Variants in EIF2AK2 observed in about 807,000 individuals in gnomAD.
EIF2AK2 encodes the protein eukaryotic translation initiation factor 2 alpha kinase 2, also known as interferon-induced, double-stranded RNA-activated protein kinase.
In EIF2AK2, 40 loss-of-function variants were observed where a neutral mutation model predicts 70.5. The observed-to-expected ratio is 0.57, with a 90% CI of 0.44 to 0.74. The LOEUF is 0.74. Ranked by LOEUF, EIF2AK2 falls within the 30% of genes least tolerant of loss-of-function variation. The pLI, the probability that EIF2AK2 is intolerant of heterozygous loss-of-function variation, is 0.00. For synonymous variants in EIF2AK2, 198 were observed against 220.9 expected (o/e 0.90, Z 0.92); for missense variants, 555 against 644.3 (o/e 0.86, Z 1.50).
At position 37,107,468 on chromosome 2, in the gene EIF2AK2, G is replaced by A; in HGVS notation, c.1533+6C>T. ...AATAAAATTCTGATGATTTTCAAGT[G>A]CTTACTTCTTTTTTATCAAATATAT... On this transcript the variant is annotated splice_donor_region_variant and intron_variant, in intron 16 of 16. Transcript: ENST00000233057. The A allele has an allele frequency of 1.2e-6, 2 of 1,612,026 alleles. No homozygotes were observed. The highest frequency in any genetic ancestry group is 1.3e-5 in the African/African-American group (1 of 74,818).
At chr2:37,145,287 T>A (rs918960898) in intron 4 of EIF2AK2, among the ~76,000 whole-genome samples, 1 of 151,484 alleles carries the variant, frequency 6.6e-6, no homozygotes, top group Admixed American at 6.6e-5. Context: ...GAATTATAGG[T>A]GCCCACCACC....
At chr2:37,134,866 C>T in intron 10 of EIF2AK2, among the ~76,000 whole-genome samples, 1 of 152,190 alleles carries the variant, frequency 6.6e-6, no homozygotes, top group East Asian at 1.9e-4. Context: ...TCCTCCTAGC[C>T]AACCTTTGCC....
Position 37,122,653 on chromosome 2 carries a change from C to T in EIF2AK2, c.920G>A (p.Arg307His), listed in dbSNP as rs770329106. The T allele has an allele frequency of 3.7e-6, 6 of 1,614,018 alleles. No individual in the cohort carries two copies. Among genetic ancestry groups the T allele is most frequent in the Admixed American group, 1.7e-5 (1 of 59,990 alleles). ...AAGTTTTGCCAATGCTTTTACTTCA[C>T]GCTCCGCCTTCCTAGTTAAAAGGAA... ...RVKYNNEKAE[R>H]EVKALAKLDH... Residue 307 changes from arginine (R) to histidine (H), a missense_variant, in exon 12 of 17, where the codon CGT becomes CAT. Around this residue, in one of 3 missense-constraint regions of EIF2AK2, gnomAD observed 299 missense variants for 375.4 expected, o/e 0.80. Transcript: ENST00000233057.
At chr2:37,117,470 C>G (rs149688493) in intron 13 of EIF2AK2, among the ~76,000 whole-genome samples, 7,510 of 143,260 alleles carry the variant, frequency 0.052, 210 homozygotes, top group Middle Eastern at 0.076. Context: ...CTAGGAGGTC[C>G]AGGCTGCAGT....
In EIF2AK2 at chr2:37,105,990, A is replaced by G. The variant is rs979281238; in HGVS notation, c.*1283T>C. The G allele has an allele frequency of 9.8e-5, 15 of 152,324 alleles. No homozygotes were observed. Among genetic ancestry groups the G allele is most frequent in the African/African-American group, 3.1e-4 (13 of 41,584 alleles). 9.4% of individuals were successfully genotyped at this position (152,324 alleles called of 1,614,324 possible). On this transcript the variant is annotated 3_prime_UTR_variant, in exon 17 of 17. Transcript: ENST00000233057. The stretch of plus-strand genomic sequence containing the variant: ...AAGTGGTTGTTACAATAGATACAAA[A>G]TGTATTTAAGATAAAAGGTATAACT...
intron 14 of EIF2AK2, among the ~76,000 whole-genome samples, chr2:37,114,169 G>A (rs1674255016): frequency 6.6e-6 from 1 of 152,094 alleles, no homozygotes. Context: ...ACAGTGGTAT[G>A]TGCCTCTAGA....
At chr2:37,118,828 A>G (rs978958305) in intron 13 of EIF2AK2, among the ~76,000 whole-genome samples, 19 of 152,176 alleles carry the variant, frequency 1.2e-4, no homozygotes, top group Non-Finnish European at 2.4e-4. Context: ...AACTGTGTAT[A>G]TGGGAACTTA....
chr2:37,113,425 G>A (rs774254336), intron 14 of EIF2AK2, among the ~76,000 whole-genome samples: 1 of 148,756 alleles, frequency 6.7e-6, no homozygotes, highest in Non-Finnish European at 1.5e-5. Context: ...AACCCGGGAG[G>A]CAGAGGTTGT....
intron 13 of EIF2AK2, among the ~76,000 whole-genome samples, chr2:37,117,598 C>T (rs1674391451): frequency 1.3e-5 from 2 of 152,060 alleles, no homozygotes; most frequent in Non-Finnish European, 1.5e-5. Flanking sequence ...TATGATTAGA[C>T]AAAATATAGG....
intron 10 of EIF2AK2, 118 bp from the exon 11 acceptor site, chr2:37,126,529 C>T (rs1300248505): frequency 9.2e-6 from 13 of 1,408,654 alleles, no homozygotes; most frequent in Non-Finnish European, 1.2e-5. Flanking sequence ...AAATTTGATT[C>T]TCTCCTTCTG....
intron 1 of EIF2AK2, 127 bp from the exon 2 acceptor site, chr2:37,149,150 T>C: frequency 1.0e-6 from 1 of 958,508 alleles, no homozygotes; most frequent in Non-Finnish European, 1.7e-6. Context: ...TGGACCTCGA[T>C]GCCTCGATGA....
intron 4 of EIF2AK2, among the ~76,000 whole-genome samples, chr2:37,144,434 T>C (rs2148708623): frequency 6.6e-6 from 1 of 151,614 alleles, no homozygotes; most frequent in East Asian, 1.9e-4. Context: ...AAGAAGGAAT[T>C]GCTACAATAG....
chr2:37,148,727 T>G (rs1484230652), intron 2 of EIF2AK2, 130 bp downstream of exon 2: 10 of 832,988 alleles, frequency 1.2e-5, no homozygotes, highest in Admixed American at 1.7e-5. Context: ...TATTGACAGA[T>G]TTGAGGATTT....
chr2:37,119,341 C>A (rs112311626), intron 13 of EIF2AK2, among the ~76,000 whole-genome samples: 1 of 151,998 alleles, frequency 6.6e-6, no homozygotes, highest in African/African-American at 2.4e-5. Flanking sequence ...ACAGCCCTCG[C>A]GAGTAATGAC....
At chr2:37,141,033 C>CT (rs1675312193) in intron 5 of EIF2AK2, among the ~76,000 whole-genome samples, 1 of 152,218 alleles carries the variant, frequency 6.6e-6, no homozygotes, top group Non-Finnish European at 1.5e-5. Flanking sequence ...TCTAGTTCAT[C>CT]TGTCTCATCA....
At position 37,139,678 on chromosome 2, in the gene EIF2AK2, C is replaced by A; in HGVS notation, c.469G>T (p.Ala157Ser). 1 of 1,614,032 alleles carries A rather than the reference C, an allele frequency of 6.2e-7. No homozygotes were observed. The highest frequency in any genetic ancestry group is 1.1e-5 in the South Asian group (1 of 91,076). The change falls in exon 6 of 17, where the codon GCC becomes TCC. Residue 157 changes from alanine (A) to serine (S), a missense_variant. By Grantham distance (99) the Ala-to-Ser change is moderately conservative (BLOSUM62 1). Transcript: ENST00000233057. ...GSTKQEAKQLAAKLAYLQILS... is the reference protein window; with the variant it reads ...GSTKQEAKQLSAKLAYLQILS... ...ATCTGAAGATATGCAAGTTTAGCGGCCAATTGTTTTGCTTCCTGTTTAGTA... is the reference window on the plus strand; with the variant it reads ...ATCTGAAGATATGCAAGTTTAGCGGACAATTGTTTTGCTTCCTGTTTAGTA...
chr2:37,146,174 A>G (rs1476418479), intron 4 of EIF2AK2, among the ~76,000 whole-genome samples: 1 of 152,188 alleles, frequency 6.6e-6, no homozygotes, highest in South Asian at 2.1e-4. Flanking sequence ...TATGCTGTAT[A>G]GGTTCGTAGT....
Position 37,146,845 on chromosome 2 carries a change from T to C in EIF2AK2, c.240+8A>G. 1 of 1,604,872 alleles carries C rather than the reference T, an allele frequency of 6.2e-7. No individual in the cohort carries two copies. The highest frequency in any genetic ancestry group is 8.5e-7 in the Non-Finnish European group (1 of 1,177,666). ...TCCCATTTATTAGGAAAAAAGGCAA[T>C]CACTCACCTTCTTTTCCTTATTAAG... On this transcript the variant is annotated splice_region_variant and intron_variant, in intron 4 of 16. Transcript: ENST00000233057.
At position 37,146,991 on chromosome 2, in the gene EIF2AK2, A is replaced by G. The variant is rs202113442; in HGVS notation, c.120-18T>C. Reference sequence around the variant, plus strand: ...ATGTAAACCTGATTACAAAGAGAATATTCATAAAATATTATACAACTCATG... The same window carrying G: ...ATGTAAACCTGATTACAAAGAGAATGTTCATAAAATATTATACAACTCATG... On this transcript the variant is annotated intron_variant, in intron 3 of 16. Transcript: ENST00000233057. The G allele has an allele frequency of 9.4e-6, 15 of 1,600,798 alleles. No individual in the cohort carries two copies. In the East Asian group the frequency reaches 3.4e-4, roughly 36 times the overall value.
Sources: gnomAD v4.1 joint callset for allele counts (sites outside exome capture counted in the v4.1 genomes callset) on GRCh38, gnomAD v4.1.1 for gene constraint, gnomAD v4.1.1 regional missense constraint, MANE v1.5 for transcripts, NCBI Gene and HGNC (gene_info 2026-07-23, HGNC 2026-07-21) for gene names.